Variants in SUN2 observed in about 807,000 individuals in gnomAD.
The protein encoded by SUN2 is SUN domain-containing protein 2.
Under a neutral mutation model 100.0 loss-of-function variants are expected in SUN2, and 60 were observed. That is an observed-to-expected ratio of 0.60 (90% CI 0.49 to 0.74). The LOEUF is 0.74. Among genes scored for constraint, SUN2 ranks in the 30% least tolerant of loss-of-function variants. The pLI, the probability that SUN2 is intolerant of heterozygous loss-of-function variation, is 0.00. For synonymous variants in SUN2, 367 were observed against 403.3 expected, an observed-to-expected ratio of 0.91 and a Z score of 1.08; for missense variants, 834 against 954.6, an observed-to-expected ratio of 0.87 and a Z score of 1.66.
At position 38,740,436 on chromosome 22, in the gene SUN2, G is replaced by GT. The variant is rs1569296860; in HGVS notation, c.1191-5dup. ...CTGGAAGGACTCCTGGGTCATGCTG[G>GT]TCCCAGAGAGAGAAGAGTAAGCCTC... On this transcript the variant is annotated splice_region_variant and splice_polypyrimidine_tract_variant and intron_variant, in intron 11 of 17. Transcript: ENST00000689035. This position sits in a 1 kb window ranked among gnomAD's most constrained non-coding sequence, Gnocchi z 4.8. 2 of 1,487,922 alleles carry GT rather than the reference G, an allele frequency of 1.3e-6. No homozygotes were observed. Among genetic ancestry groups the GT allele is most frequent in the Non-Finnish European group, 1.8e-6 (2 of 1,111,440 alleles). The allele number at this position is 1,487,922 out of a possible 1,614,324, so 92.2% of individuals were successfully genotyped here. A position where few individuals can be genotyped will look rare whatever the true frequency, so the allele number is the denominator to read the frequency against.
Position 38,740,695 on chromosome 22 carries a change from A to G in SUN2, c.1191-263T>C, listed in dbSNP as rs2092849034. Reference sequence around the variant, plus strand: ...TCTGCCTCAGCCTCTCACATCCTCCACAAGCATGGACATCTGGGGCATGAG... The same window carrying G: ...TCTGCCTCAGCCTCTCACATCCTCCGCAAGCATGGACATCTGGGGCATGAG... On this transcript the variant is annotated intron_variant, in intron 11 of 17. Coordinates refer to ENST00000689035, the MANE Select transcript of SUN2 (RefSeq NM_015374.3). The surrounding 1 kb of genome is among the most constrained non-coding windows in gnomAD (Gnocchi z 4.8). The G allele has an allele frequency of 1.7e-6, 1 of 575,646 alleles. No individual in the cohort carries two copies. The highest frequency in any genetic ancestry group is 3.1e-5 in the Admixed American group (1 of 32,540). The allele number at this position is 575,646 out of a possible 1,614,324, so 35.7% of individuals were successfully genotyped here. A position where few individuals can be genotyped will look rare whatever the true frequency, so the allele number is the denominator to read the frequency against.
Position 38,742,386 on chromosome 22 carries a change from G to A in SUN2, c.983C>T (p.Thr328Ile), listed in dbSNP as rs2092866210. The change falls in exon 9 of 18, where the codon ACC becomes ATC. Residue 328 changes from threonine (T) to isoleucine (I), a missense_variant. Physicochemically the swap from Thr to Ile is moderately conservative, Grantham distance 89. Transcript: ENST00000689035. ...CACTAGCCCCTCCAGCAGCGCCAGG[G>A]TGTCCTCGTGGCTCAGGCCACCACC... ...GGGGGLSHED[T>I]LALLEGLVSR... is the part of the protein sequence containing the mutation. 4 of 1,613,320 alleles carry A rather than the reference G, an allele frequency of 2.5e-6. No homozygotes were observed. The highest frequency in any genetic ancestry group is 3.4e-6 in the Non-Finnish European group (4 of 1,179,962).
Position 38,752,164 on chromosome 22 carries a change from G to A in SUN2, c.122+343C>T, listed in dbSNP as rs1304760971. On this transcript the variant is annotated intron_variant, in intron 2 of 17. Transcript: ENST00000689035. ...TAATTTTTGTATTTTTAGTAGAGACGGAGTTTCACTATGTTGGTCAGGGTC... is the reference window on the plus strand; with the variant it reads ...TAATTTTTGTATTTTTAGTAGAGACAGAGTTTCACTATGTTGGTCAGGGTC... Among the ~76,000 whole-genome samples the A allele has an allele frequency of 2.6e-5, 4 of 152,044 alleles. No individual in the cohort carries two copies. The East Asian group carries it at 7.7e-4, about 29-fold the overall frequency.
intron 6 of SUN2, 34 bp from the exon 7 acceptor site, chr22:38,748,817 G>A (rs368874212): frequency 7.2e-4 from 1,164 of 1,609,754 alleles, no homozygotes; most frequent in Non-Finnish European, 9.0e-4. Context: ...CGGGGGAGGC[G>A]GAGGTGTGAG....
rs776643912 is a variant in SUN2, at chr22:38,745,668, A to G, written c.813+16T>C. On this transcript the variant is annotated intron_variant, in intron 8 of 17. Coordinates refer to ENST00000689035, the MANE Select transcript of SUN2 (RefSeq NM_015374.3). ...TATTGCTAAGCTCTTGGGAGCTACC[A>G]CCCTCAGAGACTCACCTGGAAATGT... The G allele has an allele frequency of 9.3e-6, 15 of 1,612,596 alleles. No individual in the cohort carries two copies. Among genetic ancestry groups the G allele is most frequent in the Non-Finnish European group, 1.2e-5 (14 of 1,179,806 alleles).
chr22:38,737,493 T>C lies in SUN2; in HGVS notation c.2040+680A>G, dbSNP rs1019414050. Reference sequence around the variant, plus strand: ...GCCCCTTCGAGTCATATAGTGATGTTAGTCAAATGGACATAGCTTTGTCAC... The same window carrying C: ...GCCCCTTCGAGTCATATAGTGATGTCAGTCAAATGGACATAGCTTTGTCAC... On this transcript the variant is annotated intron_variant, in intron 17 of 17. Transcript: ENST00000689035. The surrounding 1 kb of genome is among the most constrained non-coding windows in gnomAD (Gnocchi z 4.1). 6.6e-6 allele frequency among the ~76,000 whole-genome samples: 1 copy of C among 152,118 alleles called. No individual in the cohort carries two copies. The highest frequency in any genetic ancestry group is 2.4e-5 in the African/African-American group (1 of 41,412).
intron 1 of SUN2, among the ~76,000 whole-genome samples, chr22:38,753,508 G>A (rs1213693252): frequency 6.6e-6 from 1 of 152,076 alleles, no homozygotes; most frequent in East Asian, 1.9e-4. Flanking sequence ...GAGCCACCAC[G>A]CTCAGCCAAA....
Position 38,751,263 on chromosome 22 carries a change from G to A in SUN2, c.233C>T (p.Ser78Phe), listed in dbSNP as rs748088497. The A allele has an allele frequency of 1.4e-5, 22 of 1,614,006 alleles. No individual in the cohort carries two copies. Among genetic ancestry groups the A allele is most frequent in the Non-Finnish European group, 1.9e-5 (22 of 1,179,974 alleles). Residue 78 changes from serine (S) to phenylalanine (F), a missense_variant, in exon 3 of 18, where the codon TCC becomes TTC. Transcript: ENST00000689035. ...CAGGGAGCTCCTGGGTGGGAACCAG[G>A]ACTCGTGGACCAGCGACTCACTGTA... is the stretch of plus-strand genomic sequence containing the variant. ...SYYSESLVHE[S>F]WFPPRSSLEE...
rs749813392 is a variant in SUN2, at chr22:38,738,256, C to T, written c.1957G>A (p.Glu653Lys). 5.6e-6 allele frequency: 9 copies of T among 1,613,656 alleles called. No homozygotes were observed. The highest frequency in any genetic ancestry group is 2.7e-5 in the African/African-American group (2 of 75,020). The change falls in exon 17 of 18, where the codon GAA (glutamate) becomes AAA (lysine). Residue 653 changes from glutamate to lysine, a missense_variant. Transcript: ENST00000689035. This position sits in a 1 kb window ranked among gnomAD's most constrained non-coding sequence, Gnocchi z 6.6. ...AGTGTCCCCTCCTGCTGCAGGTCTT[C>T]GTCAAACCCCTGCAAAGAGAGCGGA... Reference protein sequence around the residue: ...PKDFAIFGFDEDLQQEGTLLG... With the variant: ...PKDFAIFGFDKDLQQEGTLLG...
intron 1 of SUN2, among the ~76,000 whole-genome samples, chr22:38,753,998 T>A (rs2092967479): frequency 6.6e-6 from 1 of 152,196 alleles, no homozygotes; most frequent in Non-Finnish European, 1.5e-5. Context: ...CAACAAATAT[T>A]TGTTAGCAAA....
In SUN2 at chr22:38,735,600, G is replaced by A. The variant is rs1244013525; in HGVS notation, c.*667C>T. Reference sequence around the variant, plus strand: ...GGGAAGCCTACAGGGTTGGCCCTGGGCCCCTTAGAAGATCACAGCAGCCAG... The same window carrying A: ...GGGAAGCCTACAGGGTTGGCCCTGGACCCCTTAGAAGATCACAGCAGCCAG... On this transcript the variant is annotated 3_prime_UTR_variant, in exon 18 of 18. Transcript: ENST00000689035. 1 of 193,552 alleles carries A rather than the reference G, an allele frequency of 5.2e-6. No individual in the cohort carries two copies. Among genetic ancestry groups the A allele is most frequent in the African/African-American group, 2.4e-5 (1 of 42,222 alleles). 12.0% of individuals were successfully genotyped at this position (193,552 alleles called of 1,614,324 possible). A position where few individuals can be genotyped will look rare whatever the true frequency, so the allele number is the denominator to read the frequency against.
At position 38,740,981 on chromosome 22, in the gene SUN2, C is replaced by T. The variant is rs573480958; in HGVS notation, c.1190+26G>A. On this transcript the variant is annotated intron_variant, in intron 11 of 17. Transcript: ENST00000689035. The surrounding 1 kb of genome is among the most constrained non-coding windows in gnomAD (Gnocchi z 4.8). Reference sequence around the variant, plus strand: ...TGGGTGGGGCTGGGGAGGAGCAGGCCGAGGCCAGCTGGTGGCGCCCAGTAC... The same window carrying T: ...TGGGTGGGGCTGGGGAGGAGCAGGCTGAGGCCAGCTGGTGGCGCCCAGTAC... 6.3e-5 allele frequency: 100 copies of T among 1,579,500 alleles called. No individual in the cohort carries two copies. The highest frequency in any genetic ancestry group is 7.8e-5 in the Non-Finnish European group (91 of 1,163,078).
rs964213313 is a variant in SUN2 at position 38,742,333 on chromosome 22, C to T, written c.1036G>A (p.Asp346Asn). Residue 346 changes from aspartate to asparagine, a missense_variant, in exon 9 of 18, where the codon GAT becomes AAT. This residue lies in a region of SUN2 where 559 missense variants were observed against 597.7 expected (regional missense o/e 0.94). Coordinates refer to ENST00000689035, the MANE Select transcript of SUN2 (RefSeq NM_015374.3). The stretch of plus-strand genomic sequence containing the variant: ...CGAGCAGCAGTTTCCCTGCGGAAAT[C>T]CTCCTTCAGGGCAGCTTCACGGCGG... ...VSRREAALKE[D>N]FRRETAARIQ... 1.2e-6 allele frequency: 2 copies of T among 1,606,606 alleles called. No individual in the cohort carries two copies. The highest frequency in any genetic ancestry group is 4.5e-5 in the East Asian group (2 of 44,622).
At chr22:38,752,787 G>GC in intron 1 of SUN2, 122 bp from the exon 2 acceptor site, 2 of 1,159,964 alleles carry the variant, frequency 1.7e-6, no homozygotes, top group Non-Finnish European at 2.4e-6. Flanking sequence ...CCGGCCCCCG[G>GC]CCCCCGGCGT....
chr22:38,752,443 G>C, intron 2 of SUN2, 64 bp downstream of exon 2: 2 of 1,544,434 alleles, frequency 1.3e-6, no homozygotes, highest in South Asian at 2.4e-5. Flanking sequence ...ACCACAGGGC[G>C]TGCGGGCAGT....
chr22:38,754,549 A>G (rs779924898), intron 1 of SUN2: 27 of 1,044,332 alleles, frequency 2.6e-5, no homozygotes, highest in Non-Finnish European at 3.4e-5. Flanking sequence ...GTAGTAGGAA[A>G]AGCAGGAAGT....
rs1410101305 is a variant in SUN2 at position 38,740,320 on chromosome 22, C to T, written c.1303G>A (p.Val435Met). ...LAALALKQSS[V>M]AEEVGLLPQQ... ...GGCAGCAGGCCCACTTCTTCCGCCA[C>T]CGAGCTCTGCTTCAGTGCCAGAGCC... The change falls in exon 12 of 18, where the codon GTG becomes ATG. Residue 435 changes from valine to methionine, a missense_variant. This residue lies in a region of SUN2 where 559 missense variants were observed against 597.7 expected (regional missense o/e 0.94). Transcript: ENST00000689035. The surrounding 1 kb of genome is among the most constrained non-coding windows in gnomAD (Gnocchi z 4.8). The T allele has an allele frequency of 3.7e-6, 6 of 1,602,872 alleles. No individual in the cohort carries two copies. Among genetic ancestry groups the T allele is most frequent in the African/African-American group, 1.3e-5 (1 of 74,728 alleles).
In SUN2 at chr22:38,739,970, C is replaced by G; in HGVS notation, c.1357-27G>C. 1 of 1,601,074 alleles carries G rather than the reference C, an allele frequency of 6.2e-7. No individual in the cohort carries two copies. The highest frequency in any genetic ancestry group is 1.1e-5 in the South Asian group (1 of 90,904). On this transcript the variant is annotated intron_variant, in intron 12 of 17. Transcript: ENST00000689035. This position sits in a 1 kb window ranked among gnomAD's most constrained non-coding sequence, Gnocchi z 6.7. The stretch of plus-strand genomic sequence containing the variant: ...TATAGGAACCCAAAGGGGTGTCACC[C>G]TGGGGGGCTTGCAGGGACAGCAGGA...
At position 38,742,428 on chromosome 22, in the gene SUN2, G is replaced by T. The variant is rs759435456; in HGVS notation, c.941C>A (p.Ala314Asp). Residue 314 changes from alanine (A) to aspartate (D), a missense_variant, in exon 9 of 18, where the codon GCT becomes GAT. Transcript: ENST00000689035. ...GCCACCACCACCTCCCTGGCCAGGA[G>T]CCCCTTGCCGCAGCTCCAGACGTTC... Reference protein sequence around the residue: ...RLERLELRQGAPGQGGGGGLS... With the variant: ...RLERLELRQGDPGQGGGGGLS... 11 of 1,613,462 alleles carry T rather than the reference G, an allele frequency of 6.8e-6. No homozygotes were observed. The South Asian group carries it at 1.1e-4, about 16-fold the overall frequency.
Sources: gnomAD v4.1 joint callset for allele counts (sites outside exome capture counted in the v4.1 genomes callset) on GRCh38, gnomAD v4.1.1 for gene constraint, gnomAD v4.1.1 regional missense constraint, Gnocchi (gnomAD v3.1) non-coding constraint, MANE v1.5 for transcripts, NCBI Gene and HGNC (gene_info 2026-07-23, HGNC 2026-07-21) for gene names.